AGMO: variants seen among roughly 807,000 people sequenced by gnomAD.
The protein encoded by AGMO is alkylglycerol monooxygenase.
Under a neutral mutation model 60.2 loss-of-function variants are expected in AGMO, and 75 were observed. The ratio of observed to expected loss-of-function variants is 1.25; its 90% CI spans 1.03 to 1.51. The LOEUF is 1.51. AGMO is among the 40% of genes most tolerant of loss of function. The pLI, the probability that AGMO is intolerant of heterozygous loss-of-function variation, is 0.00. For missense variants in AGMO, 763 were observed against 525.5 expected (o/e 1.45, Z -4.42); for synonymous variants, 261 against 177.1 (o/e 1.47, Z -3.76).
chr7:15,370,951 T>A (rs919780451), intron 10 of AGMO, among the ~76,000 whole-genome samples: 1 of 152,128 alleles, frequency 6.6e-6, no homozygotes, highest in Non-Finnish European at 1.5e-5. Context: ...GACTTACTCA[T>A]AAATTATTTC....
At chr7:15,381,394 T>G (rs1192790566) in intron 10 of AGMO, among the ~76,000 whole-genome samples, 12 of 151,128 alleles carry the variant, frequency 7.9e-5, no homozygotes, top group Admixed American at 7.9e-4. Flanking sequence ...AAAGAAGACA[T>G]ACATGCAGGC....
Position 15,201,327 on chromosome 7 carries a change from T to A in AGMO, c.1296A>T (p.Gly432=), listed in dbSNP as rs1781274075. 6.2e-7 allele frequency: 1 copy of A among 1,611,762 alleles called. No homozygotes were observed. Among genetic ancestry groups the A allele is most frequent in the African/African-American group, 1.3e-5 (1 of 74,568 alleles). ...IVFSICIAFW[G]VRSMKQLTSH... ...AGGTGAGTTGTTTCATGCTTCTAAC[T>A]CCCCAGAAAGCAATGCAAATGGAAA... Residue 432 remains glycine, a synonymous_variant, in exon 13 of 13, where the codon GGA becomes GGT. Transcript: ENST00000342526.
At chr7:15,451,523 T>C in intron 3 of AGMO, among the ~76,000 whole-genome samples, 1 of 152,170 alleles carries the variant, frequency 6.6e-6, no homozygotes, top group East Asian at 1.9e-4. Flanking sequence ...GGGGGCTTGC[T>C]CACTGTATTC....
At chr7:15,134,217 C>T in the AGMO span, among the ~76,000 whole-genome samples, 1 of 152,072 alleles carries the variant, frequency 6.6e-6, no homozygotes, top group Non-Finnish European at 1.5e-5. Context: ...GGCTGGAGTA[C>T]AGTGGCATGA....
In AGMO at chr7:15,379,951, A is replaced by T. The variant is rs572301178; in HGVS notation, c.1074+5495T>A. ...TAGATGCAGAAAAAGACTTTCTTTA[A>T]TTCGACACCCTTTCATATTGCTCAT... On this transcript the variant is annotated intron_variant, in intron 10 of 12. Coordinates refer to ENST00000342526, the MANE Select transcript of AGMO (RefSeq NM_001004320.2). Among the ~76,000 whole-genome samples, 21 of 152,250 alleles carry T rather than the reference A, an allele frequency of 1.4e-4. 1 individual carries two copies. The South Asian group carries it at 4.1e-3, about 30-fold the overall frequency.
chr7:15,343,354 G>C (rs1781926526), intron 12 of AGMO, among the ~76,000 whole-genome samples: 2 of 152,032 alleles, frequency 1.3e-5, no homozygotes, highest in African/African-American at 4.8e-5. Flanking sequence ...ACAACATTGT[G>C]TCAAATATTT....
chr7:15,156,557 G>T, the AGMO span, among the ~76,000 whole-genome samples: 1 of 152,176 alleles, frequency 6.6e-6, no homozygotes, highest in Non-Finnish European at 1.5e-5. Flanking sequence ...AGATGTTCTT[G>T]GGGGCTGTGG....
intron 12 of AGMO, among the ~76,000 whole-genome samples, chr7:15,252,511 C>G (rs527864898): frequency 6.6e-6 from 1 of 152,288 alleles, no homozygotes; most frequent in South Asian, 2.1e-4. Flanking sequence ...ATGTGGAAAG[C>G]AGCTGAGGGC....
chr7:15,439,167 G>A (rs1781482566), intron 3 of AGMO, among the ~76,000 whole-genome samples: 1 of 152,188 alleles, frequency 6.6e-6, no homozygotes, highest in African/African-American at 2.4e-5. Context: ...GGGAGGCCAA[G>A]GTGGGCATAT....
chr7:15,554,933 T>G (rs1785082625), intron 2 of AGMO, among the ~76,000 whole-genome samples: 1 of 151,910 alleles, frequency 6.6e-6, no homozygotes, highest in African/African-American at 2.4e-5. Flanking sequence ...ATAATTAAGC[T>G]GAATGAGCCC....
rs1563104767 is a variant in AGMO, at chr7:15,354,320, ATATACG to A, written c.1263+11188_1263+11193del. Among the ~76,000 whole-genome samples, 602 of 73,024 alleles carry A rather than the reference ATATACG, an allele frequency of 8.2e-3. 98 individuals are homozygous for A. In the East Asian group the frequency reaches 0.11, roughly 13 times the overall value. The allele number at this position is 73,024 out of a possible 152,430, so 47.9% of individuals were successfully genotyped here. Reference sequence around the variant, plus strand: ...TATATATACGTGTATACACGCGTGTATATACGTACGCGTGTATATACACGCGTGTAT... The same window carrying A: ...TATATATACGTGTATACACGCGTGTATACGCGTGTATATACACGCGTGTAT... On this transcript the variant is annotated intron_variant, in intron 12 of 12. Coordinates refer to ENST00000342526, the MANE Select transcript of AGMO (RefSeq NM_001004320.2).
chr7:15,205,911 T>C (rs984870557), intron 12 of AGMO, among the ~76,000 whole-genome samples: 5 of 152,214 alleles, frequency 3.3e-5, no homozygotes, highest in South Asian at 2.1e-4. Context: ...CAGTTAACTA[T>C]TTAATAGAAC....
the AGMO span, among the ~76,000 whole-genome samples, chr7:15,181,827 A>G: frequency 6.6e-6 from 1 of 152,208 alleles, no homozygotes; most frequent in African/African-American, 2.4e-5. Context: ...TGGGTGACAT[A>G]GAACTCAGGG....
At chr7:15,312,858 AG>A (rs1473953161) in intron 12 of AGMO, among the ~76,000 whole-genome samples, 1 of 151,966 alleles carries the variant, frequency 6.6e-6, no homozygotes, top group Non-Finnish European at 1.5e-5. Context: ...TAGTAAAGAC[AG>A]GGTTTTGCCA....
chr7:15,518,362 T>C (rs986725674), intron 3 of AGMO, among the ~76,000 whole-genome samples: 2 of 152,258 alleles, frequency 1.3e-5, no homozygotes, highest in Admixed American at 6.5e-5. Flanking sequence ...CTGATCCCCA[T>C]GCCTCCTGAC....
At chr7:15,477,100 G>T (rs956642325) in intron 3 of AGMO, among the ~76,000 whole-genome samples, 6 of 151,730 alleles carry the variant, frequency 4.0e-5, no homozygotes, top group African/African-American at 1.4e-4. Context: ...AAAGGAATTA[G>T]CCTATCACAG....
chr7:15,289,228 C>G (rs975949777), intron 12 of AGMO, among the ~76,000 whole-genome samples: 1 of 151,568 alleles, frequency 6.6e-6, no homozygotes, highest in South Asian at 2.1e-4. Context: ...TCAATAAGGA[C>G]GTTATTTTTA....
intron 3 of AGMO, among the ~76,000 whole-genome samples, chr7:15,459,708 A>C (rs1375731960): frequency 6.6e-6 from 1 of 151,818 alleles, no homozygotes; most frequent in Non-Finnish European, 1.5e-5. Context: ...AATGATTCTA[A>C]AACAGTTATT....
At chr7:15,532,116 T>C (rs1314590231) in intron 3 of AGMO, among the ~76,000 whole-genome samples, 3 of 152,196 alleles carry the variant, frequency 2.0e-5, no homozygotes, top group African/African-American at 7.2e-5. Flanking sequence ...CATCACTTCA[T>C]CTATCCTAGT....
Sources: allele counts gnomAD v4.1 joint callset (sites outside exome capture counted in the v4.1 genomes callset), GRCh38; gene constraint gnomAD v4.1.1; transcripts MANE v1.5; gene names NCBI Gene and HGNC (gene_info 2026-07-23, HGNC 2026-07-21).